IGSF10: variants seen among roughly 807,000 people sequenced by gnomAD.
IGSF10 encodes the protein immunoglobulin superfamily member 10.
Under a neutral mutation model 128.2 loss-of-function variants are expected in IGSF10, and 126 were observed. That is an observed-to-expected ratio of 0.98 (90% CI 0.85 to 1.14). IGSF10 has a LOEUF of 1.14. Ranked by LOEUF, IGSF10 falls within the 50% of genes most tolerant of loss-of-function variation. The probability of loss-of-function intolerance (pLI) is 0.00; values close to 1 mark genes in which losing one functional copy is unlikely to be tolerated. For missense variants in IGSF10, 3,295 were observed against 3,149.8 expected (o/e 1.05, Z -1.10); for synonymous variants, 1,185 against 1,146.2 (o/e 1.03, Z -0.68).
At chr3:151,555,296 A>G in the IGSF10 span, among the ~76,000 whole-genome samples, 1 of 152,230 alleles carries the variant, frequency 6.6e-6, no homozygotes, top group South Asian at 2.1e-4. Context: ...GCAGATGATA[A>G]AATGCTACAT....
At chr3:151,545,093 G>A in the IGSF10 span, among the ~76,000 whole-genome samples, 1 of 152,084 alleles carries the variant, frequency 6.6e-6, no homozygotes, top group Non-Finnish European at 1.5e-5. Context: ...TTTCACAACT[G>A]TAATATATCC....
Position 151,437,934 on chromosome 3 carries a change from T to A in IGSF10, c.6627A>T (p.Gly2209=). Reference sequence around the variant, plus strand: ...GATTTCGGGCTACACATACGTACTCTCCAGAATCGAGCAGTTTCACTTTGT... The same window carrying A: ...GATTTCGGGCTACACATACGTACTCACCAGAATCGAGCAGTTTCACTTTGT... ...TINKVKLLDS[G]EYVCVARNPS... The change falls in exon 8 of 8, where the codon GGA becomes GGT. Residue 2209 remains glycine, a synonymous_variant. Transcript: ENST00000282466. The A allele has an allele frequency of 6.2e-7, 1 of 1,614,234 alleles. No individual in the cohort carries two copies. Among genetic ancestry groups the A allele is most frequent in the Non-Finnish European group, 8.5e-7 (1 of 1,180,042 alleles).
At chr3:151,481,868 T>C in the IGSF10 span, among the ~76,000 whole-genome samples, 1 of 152,164 alleles carries the variant, frequency 6.6e-6, no homozygotes, top group Non-Finnish European at 1.5e-5. Context: ...TAATAACTTA[T>C]ACAGCTACTG....
chr3:151,587,039 TA>T, the IGSF10 span, among the ~76,000 whole-genome samples: 1 of 152,206 alleles, frequency 6.6e-6, no homozygotes, highest in South Asian at 2.1e-4. Flanking sequence ...TATCCTGTTT[TA>T]TAGCATTTGT....
At chr3:151,612,126 T>C in the IGSF10 span, among the ~76,000 whole-genome samples, 1 of 152,246 alleles carries the variant, frequency 6.6e-6, no homozygotes. Context: ...AGTATCCATC[T>C]TGCAGTTTCT....
intron 5 of IGSF10, 138 bp from the exon 6 acceptor site, chr3:151,449,403 G>T: frequency 1.2e-6 from 1 of 823,576 alleles, no homozygotes; most frequent in Non-Finnish European, 1.8e-6. Flanking sequence ...CTGATTTTTT[G>T]CTTCTGAATT....
At chr3:151,471,696 T>C in the IGSF10 span, among the ~76,000 whole-genome samples, 1 of 152,330 alleles carries the variant, frequency 6.6e-6, no homozygotes, top group Non-Finnish European at 1.5e-5. Flanking sequence ...TCAAAGTAGA[T>C]GAACTCTTTT....
the IGSF10 span, among the ~76,000 whole-genome samples, chr3:151,479,023 G>A: frequency 6.6e-6 from 1 of 152,120 alleles, no homozygotes; most frequent in Non-Finnish European, 1.5e-5. Context: ...TTAATATTTT[G>A]CAAGCCTTAT....
chr3:151,488,337 G>C, the IGSF10 span, among the ~76,000 whole-genome samples: 1 of 151,956 alleles, frequency 6.6e-6, no homozygotes, highest in Non-Finnish European at 1.5e-5. Flanking sequence ...CAAACAAATG[G>C]AAAAACATTC....
At chr3:151,502,751 T>C in the IGSF10 span, among the ~76,000 whole-genome samples, 1,984 of 152,172 alleles carry the variant, frequency 0.013, 94 homozygotes, top group East Asian at 0.17. Flanking sequence ...TAAAAAGAAC[T>C]AAAGAGCTCA....
chr3:151,614,746 C>A, the IGSF10 span, among the ~76,000 whole-genome samples: 1 of 152,000 alleles, frequency 6.6e-6, no homozygotes, highest in Non-Finnish European at 1.5e-5. Flanking sequence ...GGGTGCAGCA[C>A]ACCAACATGG....
chr3:151,471,186 A>C, the IGSF10 span, among the ~76,000 whole-genome samples: 4 of 152,162 alleles, frequency 2.6e-5, no homozygotes, highest in Non-Finnish European at 4.4e-5. Context: ...CTCGTCTGCC[A>C]CCATGTAAGA....
chr3:151,483,096 C>CATA, the IGSF10 span, among the ~76,000 whole-genome samples: 1 of 151,952 alleles, frequency 6.6e-6, no homozygotes, highest in Non-Finnish European at 1.5e-5. Flanking sequence ...GTCATTAACA[C>CATA]ATATGAAAAA....
the IGSF10 span, among the ~76,000 whole-genome samples, chr3:151,555,709 C>T: frequency 6.6e-6 from 1 of 152,172 alleles, no homozygotes; most frequent in Non-Finnish European, 1.5e-5. Context: ...TTACTCATTT[C>T]TGCTTGCCAG....
rs139929611 is a variant in IGSF10 at position 151,448,071 on chromosome 3, G to A, written c.1910C>T (p.Pro637Leu). 3.1e-4 allele frequency: 506 copies of A among 1,614,096 alleles called. No homozygotes were observed. Among genetic ancestry groups the A allele is most frequent in the Non-Finnish European group, 3.9e-4 (465 of 1,180,030 alleles). The change falls in exon 6 of 8, where the codon CCG (proline) becomes CTG (leucine). Residue 637 changes from proline (P) to leucine (L), a missense_variant. By Grantham distance (98) the Pro-to-Leu change is moderately conservative. Coordinates refer to ENST00000282466, the MANE Select transcript of IGSF10 (RefSeq NM_178822.5). The stretch of plus-strand genomic sequence containing the variant: ...ACAGCGATAATAACCTTGGTCTTTC[G>A]GGGTGACCTGTAATATTCTTAATGT... ...NGTLRILQVTPKDQGYYRCVA... is the reference protein window; with the variant it reads ...NGTLRILQVTLKDQGYYRCVA...
the IGSF10 span, among the ~76,000 whole-genome samples, chr3:151,553,365 A>C: frequency 6.6e-6 from 1 of 152,128 alleles, no homozygotes; most frequent in Non-Finnish European, 1.5e-5. Context: ...TTTTCATTAA[A>C]TAACATTTTT....
At position 151,457,170 on chromosome 3, in the gene IGSF10, G is replaced by T. The variant is rs1721836486; in HGVS notation, c.195-15C>A. ...AGCTGTTGTATCTGAAATAAAAAAT[G>T]ACATTCTAGGCATAAGCTAAGTCTG... On this transcript the variant is annotated splice_polypyrimidine_tract_variant and intron_variant, in intron 3 of 7. Transcript: ENST00000282466. 6.2e-6 allele frequency: 10 copies of T among 1,613,218 alleles called. No individual in the cohort carries two copies. Among genetic ancestry groups the T allele is most frequent in the Non-Finnish European group, 8.5e-6 (10 of 1,179,518 alleles).
the IGSF10 span, among the ~76,000 whole-genome samples, chr3:151,603,470 C>T: frequency 6.6e-6 from 1 of 152,302 alleles, no homozygotes; most frequent in Middle Eastern, 3.4e-3. Flanking sequence ...GCTCCTTTTC[C>T]TCCAGGTCTT....
At chr3:151,471,963 T>A in the IGSF10 span, among the ~76,000 whole-genome samples, 1 of 152,220 alleles carries the variant, frequency 6.6e-6, no homozygotes, top group Non-Finnish European at 1.5e-5. Flanking sequence ...GATGTAAATT[T>A]AATGTAAAGT....
Sources: allele counts gnomAD v4.1 joint callset (sites outside exome capture counted in the v4.1 genomes callset), GRCh38; gene constraint gnomAD v4.1.1; transcripts MANE v1.5; gene names NCBI Gene and HGNC (gene_info 2026-07-23, HGNC 2026-07-21).